Variants in LRRC4C observed in about 807,000 individuals in gnomAD.
LRRC4C encodes leucine rich repeat containing 4C.
LRRC4C carries 5 observed loss-of-function variants against 33.6 expected under a neutral mutation model. The observed-to-expected ratio is 0.15, with a 90% CI of 0.08 to 0.31. The LOEUF (loss-of-function observed/expected upper bound fraction) is 0.31, where lower values mean the gene tolerates loss of function less well. Ranked by LOEUF, LRRC4C falls within the 10% of genes least tolerant of loss-of-function variation. LRRC4C has a pLI of 1.00. For synonymous variants in LRRC4C, 329 were observed against 302.0 expected (o/e 1.09, Z -0.93); for missense variants, 560 against 796.7 (o/e 0.70, Z 3.58).
intron 5 of LRRC4C, among the ~76,000 whole-genome samples, chr11:40,144,660 G>A (rs1165918002): frequency 6.6e-6 from 1 of 152,178 alleles, no homozygotes; most frequent in East Asian, 1.9e-4. Context: ...ACAAATATAG[G>A]AGGAAGGCGA....
chr11:41,138,613 G>T (rs962365159), intron 1 of LRRC4C, among the ~76,000 whole-genome samples: 4 of 152,114 alleles, frequency 2.6e-5, no homozygotes, highest in African/African-American at 9.7e-5. Flanking sequence ...TTTATAGGCC[G>T]ATCTCTAGAA....
chr11:41,214,718 C>CGA (rs1025318115), intron 1 of LRRC4C, among the ~76,000 whole-genome samples: 33 of 147,892 alleles, frequency 2.2e-4, no homozygotes, highest in Non-Finnish European at 4.5e-4. Context: ...CCACTGCACT[C>CGA]CAGCCTGGGC....
intron 3 of LRRC4C, among the ~76,000 whole-genome samples, chr11:40,346,809 G>A (rs1341719136): frequency 1.3e-5 from 2 of 152,116 alleles, no homozygotes; most frequent in African/African-American, 2.4e-5. Context: ...TATAAAAATC[G>A]TTTTTTGTTT....
At chr11:40,978,341 T>C (rs928221904) in intron 1 of LRRC4C, among the ~76,000 whole-genome samples, 1 of 152,190 alleles carries the variant, frequency 6.6e-6, no homozygotes, top group African/African-American at 2.4e-5. Flanking sequence ...AACTAGCACC[T>C]AACTTTGATT....
intron 2 of LRRC4C, among the ~76,000 whole-genome samples, chr11:40,750,875 A>G (rs2136986571): frequency 6.6e-6 from 1 of 152,256 alleles, no homozygotes; most frequent in Non-Finnish European, 1.5e-5. Context: ...TTGTCAACAA[A>G]ATACTAATTA....
chr11:41,293,241 ATTTGTC>A (rs1950041236), intron 1 of LRRC4C, among the ~76,000 whole-genome samples: 2 of 152,040 alleles, frequency 1.3e-5, no homozygotes, highest in African/African-American at 2.4e-5. Context: ...TATTATTTGT[ATTTGTC>A]TTTGTTTTCA....
intron 1 of LRRC4C, among the ~76,000 whole-genome samples, chr11:41,127,148 C>G (rs540090640): frequency 6.6e-6 from 1 of 151,968 alleles, no homozygotes; most frequent in Admixed American, 6.6e-5. Flanking sequence ...ATGTACCACA[C>G]TTTGCTAATA....
At chr11:41,340,685 G>A (rs781631958) in intron 1 of LRRC4C, among the ~76,000 whole-genome samples, 1 of 152,104 alleles carries the variant, frequency 6.6e-6, no homozygotes. Context: ...GTTACTTAGA[G>A]TCTATTTGTC....
intron 4 of LRRC4C, among the ~76,000 whole-genome samples, chr11:40,305,142 C>A (rs1944967281): frequency 6.6e-6 from 1 of 152,336 alleles, no homozygotes; most frequent in South Asian, 2.1e-4. Flanking sequence ...TAGCTGTTTT[C>A]TCTGCCTAGA....
intron 3 of LRRC4C, among the ~76,000 whole-genome samples, chr11:40,614,203 T>C (rs1276709753): frequency 1.3e-5 from 2 of 151,842 alleles, no homozygotes; most frequent in Admixed American, 6.6e-5. Flanking sequence ...AGAAAGCTGT[T>C]TTGTCTACAT....
At chr11:40,682,596 C>T (rs138984188) in intron 2 of LRRC4C, among the ~76,000 whole-genome samples, 2,480 of 151,834 alleles carry the variant, frequency 0.016, 22 homozygotes, top group Middle Eastern at 0.041. Flanking sequence ...GCCCAAATGG[C>T]GAAACCCAAT....
Position 40,115,153 on chromosome 11 carries a change from G to T in LRRC4C, c.1140C>A (p.Ser380=), listed in dbSNP as rs779988985. Residue 380 remains serine, a synonymous_variant, in exon 7 of 7, where the codon TCC becomes TCA. Transcript: ENST00000528697. The surrounding 1 kb of genome is among the most constrained non-coding windows in gnomAD (Gnocchi z 6.7). ...AAELKCRAST[S]LTSVSWITPN... ...GAGTAATCCAAGATACAGATGTCAG[G>T]GATGTGGAGGCCCGACATTTCAGCT... 8.5e-5 allele frequency: 137 copies of T among 1,614,086 alleles called. No homozygotes were observed. Among genetic ancestry groups the T allele is most frequent in the Non-Finnish European group, 1.1e-4 (133 of 1,180,048 alleles).
At chr11:40,666,983 T>C (rs1295258213) in intron 2 of LRRC4C, among the ~76,000 whole-genome samples, 2 of 152,192 alleles carry the variant, frequency 1.3e-5, no homozygotes, top group Admixed American at 6.5e-5. Flanking sequence ...TCAATGGTTT[T>C]TGTCAAGTAC....
At chr11:41,293,888 C>T (rs529986483) in intron 1 of LRRC4C, among the ~76,000 whole-genome samples, 90 of 152,108 alleles carry the variant, frequency 5.9e-4, no homozygotes, top group Admixed American at 4.5e-3. Context: ...TGAGCCACCT[C>T]GCCCGGCCAA....
At chr11:40,375,057 T>C (rs1468756349) in intron 3 of LRRC4C, among the ~76,000 whole-genome samples, 1 of 152,210 alleles carries the variant, frequency 6.6e-6, no homozygotes, top group Non-Finnish European at 1.5e-5. Flanking sequence ...TATCATCCAG[T>C]GGAACAAAAT....
intron 3 of LRRC4C, among the ~76,000 whole-genome samples, chr11:40,328,869 T>G (rs1227604179): frequency 1.3e-5 from 2 of 152,248 alleles, no homozygotes; most frequent in Admixed American, 6.5e-5. Context: ...GGTAACTGGA[T>G]AATAGCAGCA....
At chr11:40,136,861 G>A (rs1198105199) in intron 6 of LRRC4C, among the ~76,000 whole-genome samples, 1 of 152,076 alleles carries the variant, frequency 6.6e-6, no homozygotes, top group Non-Finnish European at 1.5e-5. Context: ...TCTGTGTGGT[G>A]GGATAATTGG....
At chr11:40,782,687 G>T (rs1950261262) in intron 2 of LRRC4C, among the ~76,000 whole-genome samples, 1 of 152,116 alleles carries the variant, frequency 6.6e-6, no homozygotes, top group Admixed American at 6.5e-5. Context: ...CTATGACAAA[G>T]ATTATTAATA....
At chr11:40,663,776 G>A (rs1218599268) in intron 2 of LRRC4C, among the ~76,000 whole-genome samples, 1 of 152,136 alleles carries the variant, frequency 6.6e-6, no homozygotes, top group Admixed American at 6.5e-5. Context: ...CAAAATAGAT[G>A]AAATTAAAAA....
Sources: gnomAD v4.1 joint callset for allele counts (sites outside exome capture counted in the v4.1 genomes callset) on GRCh38, gnomAD v4.1.1 for gene constraint, Gnocchi (gnomAD v3.1) non-coding constraint, MANE v1.5 for transcripts, NCBI Gene and HGNC (gene_info 2026-07-23, HGNC 2026-07-21) for gene names.